DAB1: variants seen among roughly 807,000 people sequenced by gnomAD.
The protein encoded by DAB1 is DAB adaptor protein 1, also known as disabled homolog 1.
A neutral mutation model predicts 64.6 loss-of-function variants in DAB1; 15 were observed. That is an observed-to-expected ratio of 0.23 (90% CI 0.16 to 0.36). DAB1 has a LOEUF of 0.36. Among genes scored for constraint, DAB1 ranks in the 10% least tolerant of loss-of-function variants. The pLI is 1.00. For missense variants in DAB1, 596 were observed against 706.7 expected, an observed-to-expected ratio of 0.84 and a Z score of 1.78; for synonymous variants, 235 against 251.9, an observed-to-expected ratio of 0.93 and a Z score of 0.64.
At chr1:57,795,077 C>T (rs1165645825) in intron 6 of DAB1, among the ~76,000 whole-genome samples, 2 of 152,242 alleles carry the variant, frequency 1.3e-5, no homozygotes, top group Non-Finnish European at 2.9e-5. Context: ...AACTCTCTCC[C>T]ATCCATCAGA....
intron 7 of DAB1, among the ~76,000 whole-genome samples, chr1:57,539,009 C>A (rs150670606): frequency 6.6e-6 from 1 of 152,178 alleles, no homozygotes; most frequent in Non-Finnish European, 1.5e-5. Context: ...AATTGTGATG[C>A]CTTCCTTCCT....
intron 5 of DAB1, among the ~76,000 whole-genome samples, chr1:57,978,863 G>A (rs1055024905): frequency 3.3e-5 from 5 of 152,134 alleles, no homozygotes; most frequent in African/African-American, 1.2e-4. Context: ...AAACCACAAT[G>A]AGATACAATC....
intron 6 of DAB1, among the ~76,000 whole-genome samples, chr1:57,774,490 C>A (rs1197806798): frequency 6.6e-6 from 1 of 151,694 alleles, no homozygotes; most frequent in Non-Finnish European, 1.5e-5. Context: ...TGAAAGTGAT[C>A]CTGATCTTAT....
At chr1:58,085,026 C>G (rs188175955) in intron 5 of DAB1, among the ~76,000 whole-genome samples, 1 of 152,126 alleles carries the variant, frequency 6.6e-6, no homozygotes, top group Non-Finnish European at 1.5e-5. Context: ...GGTAGAATAC[C>G]TTTGGGATTT....
chr1:58,512,660 G>A (rs192838536), intron 2 of DAB1, among the ~76,000 whole-genome samples: 167 of 152,274 alleles, frequency 1.1e-3, no homozygotes, highest in African/African-American at 3.9e-3. Flanking sequence ...GGACAAATAC[G>A]AGACGATTCC....
chr1:57,443,424 C>G (rs1471445156), intron 7 of DAB1, among the ~76,000 whole-genome samples: 3 of 152,204 alleles, frequency 2.0e-5, no homozygotes, highest in Non-Finnish European at 4.4e-5. Flanking sequence ...CCTGAACATA[C>G]CATGCACTTT....
chr1:58,237,106 C>A (rs72667964), intron 4 of DAB1, among the ~76,000 whole-genome samples: 2,955 of 152,234 alleles, frequency 0.019, 37 homozygotes, highest in Middle Eastern at 0.037. Flanking sequence ...TTAACACAAG[C>A]CTTTACTTCT....
chr1:58,151,175 C>A (rs1654914698), intron 4 of DAB1, among the ~76,000 whole-genome samples: 1 of 152,150 alleles, frequency 6.6e-6, no homozygotes, highest in Non-Finnish European at 1.5e-5. Context: ...GTCTTTATAG[C>A]AGCATGATTT....
intron 5 of DAB1, among the ~76,000 whole-genome samples, chr1:58,104,194 C>T (rs190453309): frequency 2.6e-5 from 4 of 152,274 alleles, no homozygotes; most frequent in East Asian, 1.9e-4. Flanking sequence ...GGTGAAGCCC[C>T]GAGGGAAAGG....
intron 3 of DAB1, among the ~76,000 whole-genome samples, chr1:58,408,067 C>T (rs986399186): frequency 3.9e-5 from 6 of 152,156 alleles, no homozygotes; most frequent in Non-Finnish European, 5.9e-5. Flanking sequence ...TCAGCATCGC[C>T]TGAAATCAGT....
chr1:58,025,369 A>G (rs1278259774), intron 5 of DAB1, among the ~76,000 whole-genome samples: 1 of 151,964 alleles, frequency 6.6e-6, no homozygotes, highest in African/African-American at 2.4e-5. Flanking sequence ...GGATTTTAAC[A>G]GGGTTCCTAG....
At chr1:57,146,208 A>G (rs1659117016) in intron 2 of DAB1, among the ~76,000 whole-genome samples, 1 of 152,318 alleles carries the variant, frequency 6.6e-6, no homozygotes, top group East Asian at 1.9e-4. Context: ...ACAACAAGCA[A>G]ACCATTTCCA....
At chr1:57,142,315 G>A (rs946886172) in intron 3 of DAB1, among the ~76,000 whole-genome samples, 4 of 152,038 alleles carry the variant, frequency 2.6e-5, no homozygotes, top group Non-Finnish European at 5.9e-5. Context: ...CTTTTTGGAA[G>A]GGTAAGAGGT....
chr1:57,611,951 G>A (rs1235768336), intron 7 of DAB1, among the ~76,000 whole-genome samples: 5 of 152,096 alleles, frequency 3.3e-5, no homozygotes, highest in African/African-American at 1.2e-4. Context: ...CTGTTATGTA[G>A]TGTCACTGGC....
At chr1:58,304,461 G>A (rs778234018) in intron 4 of DAB1, among the ~76,000 whole-genome samples, 7 of 152,118 alleles carry the variant, frequency 4.6e-5, no homozygotes, top group Non-Finnish European at 8.8e-5. Context: ...TAAAATAATC[G>A]TTATGAAGTA....
chr1:58,160,560 G>T (rs1655482859), intron 4 of DAB1, among the ~76,000 whole-genome samples: 1 of 152,102 alleles, frequency 6.6e-6, no homozygotes, highest in African/African-American at 2.4e-5. Context: ...GATACACACG[G>T]GCTGGGCCTC....
At chr1:58,382,648 G>C (rs1644399467) in intron 3 of DAB1, among the ~76,000 whole-genome samples, 1 of 152,186 alleles carries the variant, frequency 6.6e-6, no homozygotes, top group Admixed American at 6.5e-5. Context: ...AATCTTGAAA[G>C]CTTTTAAAAC....
intron 4 of DAB1, among the ~76,000 whole-genome samples, chr1:58,181,292 G>T (rs890422609): frequency 6.6e-6 from 1 of 151,916 alleles, no homozygotes; most frequent in Non-Finnish European, 1.5e-5. Context: ...TGTTTGCATG[G>T]TATATCTTTT....
rs563895844 is a variant in DAB1 at position 58,314,563 on chromosome 1, C to G, written n.309+28789G>C. ...TTACTCACTCTCCCAGCAAGTGACG[C>G]CCCCATTGCCTCATCTCACTGGATC... is the stretch of plus-strand genomic sequence containing the variant. On this transcript the variant is annotated intron_variant and non_coding_transcript_variant, in intron 4 of 20. Transcript: ENST00000485760. Among the ~76,000 whole-genome samples the G allele has an allele frequency of 4.6e-5, 7 of 152,276 alleles. No homozygotes were observed. The South Asian group carries it at 1.5e-3, about 32-fold the overall frequency.
Sources: gnomAD v4.1 joint callset for allele counts (sites outside exome capture counted in the v4.1 genomes callset) on GRCh38, gnomAD v4.1.1 for gene constraint, MANE v1.5 for transcripts, NCBI Gene and HGNC (gene_info 2026-07-23, HGNC 2026-07-21) for gene names.